The following VOPP1 variants were observed in gnomAD, a reference collection of about 807,000 sequenced individuals.
VOPP1 encodes WW domain binding protein VOPP1.
VOPP1 carries 8 observed loss-of-function variants against 23.5 expected under a neutral mutation model. The ratio of observed to expected loss-of-function variants is 0.34; its 90% CI spans 0.20 to 0.61. The LOEUF (loss-of-function observed/expected upper bound fraction) is 0.61. Among genes scored for constraint, VOPP1 ranks in the 20% least tolerant of loss-of-function variants. The pLI is 0.78. For missense variants in VOPP1, 174 were observed against 238.1 expected (o/e 0.73, Z 1.77); for synonymous variants, 83 against 97.3 (o/e 0.85, Z 0.86).
At chr7:55,509,704 TC>T (rs1794949653) in intron 2 of VOPP1, among the ~76,000 whole-genome samples, 1 of 152,204 alleles carries the variant, frequency 6.6e-6, no homozygotes, top group Non-Finnish European at 1.5e-5. Flanking sequence ...CCTCACTGGC[TC>T]CATTTCCTGG....
chr7:55,478,278 C>A (rs1792427208), intron 4 of VOPP1, among the ~76,000 whole-genome samples: 1 of 152,190 alleles, frequency 6.6e-6, no homozygotes, highest in Non-Finnish European at 1.5e-5. Flanking sequence ...ATAACCTCAA[C>A]TCCTTAATCA....
At chr7:55,452,826 AG>A (rs2129002005) in intron 4 of VOPP1, among the ~76,000 whole-genome samples, 1 of 152,374 alleles carries the variant, frequency 6.6e-6, no homozygotes, top group South Asian at 2.1e-4. Flanking sequence ...TTCCATTTAT[AG>A]GATAAAGGCA....
At chr7:55,504,742 A>G (rs1218471840) in intron 2 of VOPP1, among the ~76,000 whole-genome samples, 1 of 152,218 alleles carries the variant, frequency 6.6e-6, no homozygotes, top group Admixed American at 6.5e-5. Flanking sequence ...AAGGACTCGC[A>G]TATTTTCCCA....
intron 4 of VOPP1, among the ~76,000 whole-genome samples, chr7:55,460,068 T>C (rs1369439269): frequency 6.8e-5 from 2 of 29,240 alleles, no homozygotes; most frequent in East Asian, 9.0e-4. Flanking sequence ...TGCATTTCTA[T>C]TTTCATATTA....
intron 1 of VOPP1, among the ~76,000 whole-genome samples, chr7:55,546,854 G>C (rs968251873): frequency 6.6e-6 from 1 of 152,220 alleles, no homozygotes; most frequent in Non-Finnish European, 1.5e-5. Context: ...GGGAGGCTAA[G>C]CCATGGGATC....
intron 1 of VOPP1, among the ~76,000 whole-genome samples, chr7:55,546,960 A>C (rs182363452): frequency 3.5e-4 from 53 of 152,348 alleles, no homozygotes; most frequent in Non-Finnish European, 1.5e-5. Context: ...GACAGCCTTC[A>C]TTTCACTGAT....
intron 2 of VOPP1, among the ~76,000 whole-genome samples, chr7:55,501,240 T>A (rs780369101): frequency 5.3e-5 from 8 of 151,980 alleles, no homozygotes; most frequent in East Asian, 1.9e-4. Flanking sequence ...ATAATAAAGA[T>A]GCGATATGAG....
At chr7:55,555,832 T>A (rs1797782261) in intron 1 of VOPP1, among the ~76,000 whole-genome samples, 2 of 152,210 alleles carry the variant, frequency 1.3e-5, no homozygotes, top group Admixed American at 1.3e-4. Context: ...GGGACTGCAG[T>A]ATCATAGAGA....
At chr7:55,470,316 G>T (rs551557473), downstream of VOPP1, among the ~76,000 whole-genome samples, 17 of 152,338 alleles carry the variant, frequency 1.1e-4, no homozygotes, top group East Asian at 2.9e-3. Context: ...GCAGAGCTGT[G>T]TTTTAAGATG....
intron 2 of VOPP1, among the ~76,000 whole-genome samples, chr7:55,511,424 A>G (rs1362078009): frequency 1.3e-5 from 2 of 152,250 alleles, no homozygotes; most frequent in Admixed American, 1.3e-4. Flanking sequence ...GACTATAAAT[A>G]GCCTCATGTC....
chr7:55,524,484 T>G (rs1376120468), intron 1 of VOPP1, among the ~76,000 whole-genome samples: 2 of 152,212 alleles, frequency 1.3e-5, no homozygotes, highest in Non-Finnish European at 2.9e-5. Context: ...TGTAGCAGCT[T>G]TCTCCTGAGG....
At chr7:55,568,242 G>A (rs111777503) in intron 1 of VOPP1, among the ~76,000 whole-genome samples, 1 of 151,982 alleles carries the variant, frequency 6.6e-6, no homozygotes, top group Non-Finnish European at 1.5e-5. Context: ...ACCACGCCCA[G>A]CTAATTTTTT....
At chr7:55,549,340 C>T (rs1158421950) in intron 1 of VOPP1, among the ~76,000 whole-genome samples, 1 of 152,192 alleles carries the variant, frequency 6.6e-6, no homozygotes, top group African/African-American at 2.4e-5. Flanking sequence ...ATCAGGCATA[C>T]AGACTCCCTT....
intron 4 of VOPP1, among the ~76,000 whole-genome samples, chr7:55,440,166 G>T (rs1052055130): frequency 6.6e-5 from 10 of 152,148 alleles, no homozygotes; most frequent in African/African-American, 2.4e-4. Flanking sequence ...CCTGCATGTG[G>T]GCTCATCAGC....
At chr7:55,540,182 G>A (rs1043182041) in intron 1 of VOPP1, among the ~76,000 whole-genome samples, 5 of 151,888 alleles carry the variant, frequency 3.3e-5, no homozygotes, top group Non-Finnish European at 1.5e-5. Context: ...GGTGGATCAC[G>A]AGGTCAAGAG....
intron 1 of VOPP1, among the ~76,000 whole-genome samples, chr7:55,533,339 T>C (rs1161118147): frequency 6.6e-6 from 1 of 152,128 alleles, no homozygotes; most frequent in Non-Finnish European, 1.5e-5. Context: ...TGCCCCTGCC[T>C]TCCCCACTCA....
chr7:55,442,806 G>A (rs1790999500), intron 4 of VOPP1, among the ~76,000 whole-genome samples: 2 of 152,184 alleles, frequency 1.3e-5, no homozygotes, highest in Non-Finnish European at 2.9e-5. Context: ...CAAGAAAAAC[G>A]ACACGGTTTC....
intron 1 of VOPP1, among the ~76,000 whole-genome samples, chr7:55,548,901 C>T (rs376162095): frequency 1.5e-4 from 23 of 152,330 alleles, no homozygotes; most frequent in African/African-American, 5.3e-4. Flanking sequence ...CCAAACCCAA[C>T]AAAATCCACC....
chr7:55,518,733 T>G (rs1186965551), intron 2 of VOPP1, among the ~76,000 whole-genome samples: 1 of 152,246 alleles, frequency 6.6e-6, no homozygotes, highest in Non-Finnish European at 1.5e-5. Context: ...TATTTATAAC[T>G]TGTTGCCCTC....
Sources: gnomAD v4.1 joint callset for allele counts (sites outside exome capture counted in the v4.1 genomes callset) on GRCh38, gnomAD v4.1.1 for gene constraint, MANE v1.5 for transcripts, NCBI Gene and HGNC (gene_info 2026-07-23, HGNC 2026-07-21) for gene names.